SIK2: variants seen among roughly 807,000 people sequenced by gnomAD.
The protein encoded by SIK2 is salt inducible kinase 2, also known as serine/threonine-protein kinase SIK2.
Under a neutral mutation model 103.2 loss-of-function variants are expected in SIK2, and 29 were observed. The ratio of observed to expected loss-of-function variants is 0.28; its 90% CI spans 0.21 to 0.38. SIK2 has a LOEUF of 0.38. SIK2 is among the 10% of genes least tolerant of loss of function. The pLI is 1.00. For missense variants in SIK2, 879 were observed against 1,171.0 expected, an observed-to-expected ratio of 0.75 and a Z score of 3.64; for synonymous variants, 412 against 446.1, an observed-to-expected ratio of 0.92 and a Z score of 0.96.
intron 3 of SIK2, among the ~76,000 whole-genome samples, chr11:111,673,056 A>G (rs890179131): frequency 4.6e-5 from 7 of 152,214 alleles, no homozygotes; most frequent in Non-Finnish European, 8.8e-5. Flanking sequence ...GTTCAAGACT[A>G]ACCACTTAAA....
chr11:111,670,829 T>G (rs1047142893), intron 3 of SIK2: 1 of 152,524 alleles, frequency 6.6e-6, no homozygotes, highest in African/African-American at 2.4e-5. Context: ...TCCAAGGGGC[T>G]GAAGGCTAGG....
chr11:111,721,238 C>T (rs1156686091), intron 12 of SIK2, among the ~76,000 whole-genome samples, 176 bp downstream of exon 12: 4 of 152,204 alleles, frequency 2.6e-5, no homozygotes, highest in African/African-American at 9.6e-5. Flanking sequence ...GGGTTCAACC[C>T]ATCCACGCTG....
chr11:111,697,057 AT>A (rs968587507), intron 4 of SIK2, among the ~76,000 whole-genome samples: 9 of 152,288 alleles, frequency 5.9e-5, no homozygotes, highest in Non-Finnish European at 1.0e-4. Context: ...AAAAATAACT[AT>A]TTTTGACATG....
Position 111,723,962 on chromosome 11 carries a change from GC to G in SIK2, c.2617del (p.Gln873SerfsTer5). Reference protein sequence around the residue: ...PTPCQYPVDGAQQSDLTGPDC... With the variant: ...PTPCQYPVDGXQQSDLTGPDC... ...TCCCTGTCAGTATCCTGTGGATGGA[GC>G]CCAGCAGAGCGACCTAACGGGGCCA... On this transcript the variant is annotated frameshift_variant, in exon 15 of 15. Transcript: ENST00000304987. LOFTEE classifies it high-confidence loss of function. 6.2e-7 allele frequency: 1 copy of G among 1,614,110 alleles called. No individual in the cohort carries two copies. The highest frequency in any genetic ancestry group is 8.5e-7 in the Non-Finnish European group (1 of 1,179,996).
At chr11:111,625,257 TG>T (rs2135844178) in intron 3 of SIK2, among the ~76,000 whole-genome samples, 1 of 152,114 alleles carries the variant, frequency 6.6e-6, no homozygotes, top group African/African-American at 2.4e-5. Context: ...GTGTTGAGAA[TG>T]GGAAAGGGTG....
At chr11:111,697,428 C>T (rs1943102981) in intron 4 of SIK2, among the ~76,000 whole-genome samples, 1 of 152,112 alleles carries the variant, frequency 6.6e-6, no homozygotes, top group Non-Finnish European at 1.5e-5. Flanking sequence ...ATGGGATAGA[C>T]AGATAAGTAA....
intron 3 of SIK2, among the ~76,000 whole-genome samples, chr11:111,667,646 C>T (rs890045887): frequency 1.3e-5 from 2 of 151,952 alleles, no homozygotes; most frequent in African/African-American, 2.4e-5. Context: ...CATGTGCCCA[C>T]CACGTCCGGC....
rs896260296 is a variant in SIK2, at chr11:111,620,285, G to A, written c.253-54G>A. The A allele has an allele frequency of 4.4e-6, 5 of 1,132,970 alleles. 1 individual carries two copies. In the South Asian group the frequency reaches 5.8e-5, roughly 13 times the overall value. The allele number at this position is 1,132,970 out of a possible 1,614,324, so 70.2% of individuals were successfully genotyped here. ...AATTTAGGTAACTCGATAGAATATT[G>A]TGGAAAATTCCAGTACATTTCTGTC... On this transcript the variant is annotated intron_variant, in intron 2 of 14. Coordinates refer to ENST00000304987, the MANE Select transcript of SIK2 (RefSeq NM_015191.3).
At chr11:111,663,157 C>A (rs1016681277) in intron 3 of SIK2, among the ~76,000 whole-genome samples, 2 of 151,358 alleles carry the variant, frequency 1.3e-5, no homozygotes, top group African/African-American at 4.9e-5. Context: ...TCACCTGAGT[C>A]CGGTAGTCTA....
intron 4 of SIK2, among the ~76,000 whole-genome samples, chr11:111,690,916 A>G (rs1942929375): frequency 6.6e-6 from 1 of 152,218 alleles, no homozygotes; most frequent in Non-Finnish European, 1.5e-5. Context: ...GCTACAAGAA[A>G]CATACATGCA....
At chr11:111,715,757 T>A (rs1943621687) in intron 9 of SIK2, among the ~76,000 whole-genome samples, 1 of 149,406 alleles carries the variant, frequency 6.7e-6, no homozygotes, top group African/African-American at 2.4e-5. Flanking sequence ...GAATTTTATA[T>A]ACATACATAT....
intron 3 of SIK2, among the ~76,000 whole-genome samples, chr11:111,677,806 C>T (rs549095188): frequency 6.6e-6 from 1 of 152,290 alleles, no homozygotes; most frequent in East Asian, 1.9e-4. Flanking sequence ...GTGGTTCCCA[C>T]ATTAGCATTT....
At chr11:111,607,692 T>C (rs953412467) in intron 1 of SIK2, among the ~76,000 whole-genome samples, 4 of 152,206 alleles carry the variant, frequency 2.6e-5, no homozygotes, top group Non-Finnish European at 5.9e-5. Flanking sequence ...GGAATATATA[T>C]ACTTTCATAG....
At chr11:111,667,256 T>C (rs1028609182) in intron 3 of SIK2, among the ~76,000 whole-genome samples, 13 of 151,842 alleles carry the variant, frequency 8.6e-5, no homozygotes, top group Non-Finnish European at 7.4e-5. Flanking sequence ...CTTTTTATAC[T>C]ATTTGAGAGA....
At position 111,728,775 on chromosome 11, in the gene SIK2, T is replaced by C. The variant is rs867995492; in HGVS notation, c.*4646T>C. 1 of 152,042 alleles carries C rather than the reference T, an allele frequency of 6.6e-6. No individual in the cohort carries two copies. The highest frequency in any genetic ancestry group is 2.1e-4 in the South Asian group (1 of 4,828). The allele number at this position is 152,042 out of a possible 1,614,324, so 9.4% of individuals were successfully genotyped here. A position where few individuals can be genotyped will look rare whatever the true frequency, so the allele number is the denominator to read the frequency against. ...CCGTCTCTACTAAAAATACAAAAAA[T>C]TAGCCGGGCGTGGTGGTGGGCGCCT... On this transcript the variant is annotated 3_prime_UTR_variant, in exon 15 of 15. Coordinates refer to ENST00000304987, the MANE Select transcript of SIK2 (RefSeq NM_015191.3).
At chr11:111,621,864 G>A (rs1298987124) in intron 3 of SIK2, among the ~76,000 whole-genome samples, 2 of 151,672 alleles carry the variant, frequency 1.3e-5, no homozygotes, top group Non-Finnish European at 2.9e-5. Context: ...AGTGAGCCAC[G>A]ACCGCACCAC....
chr11:111,725,727 G>A lies in SIK2; in HGVS notation c.*1598G>A, dbSNP rs183488735. ...TGTAGTTAGCGTTCAGGCAGGTGAC[G>A]TGTGGAAAGTCTAGGGGGTTCCATT... On this transcript the variant is annotated 3_prime_UTR_variant, in exon 15 of 15. Coordinates refer to ENST00000304987, the MANE Select transcript of SIK2 (RefSeq NM_015191.3). 3 of 152,766 alleles carry A rather than the reference G, an allele frequency of 2.0e-5. No individual in the cohort carries two copies. Among genetic ancestry groups the A allele is most frequent in the East Asian group, 3.9e-4 (2 of 5,182 alleles). The allele number at this position is 152,766 out of a possible 1,614,324, so 9.5% of individuals were successfully genotyped here.
At chr11:111,699,895 C>G (rs1428078982) in intron 4 of SIK2, among the ~76,000 whole-genome samples, 2 of 152,210 alleles carry the variant, frequency 1.3e-5, no homozygotes, top group African/African-American at 4.8e-5. Flanking sequence ...TCCAGTCTTT[C>G]TTGAGCCATC....
At chr11:111,647,784 C>CT (rs1473547316) in intron 3 of SIK2, among the ~76,000 whole-genome samples, 1 of 151,466 alleles carries the variant, frequency 6.6e-6, no homozygotes. Context: ...AGGAGAATGG[C>CT]ATGAACCTGG....
Sources: gnomAD v4.1 joint callset for allele counts (sites outside exome capture counted in the v4.1 genomes callset) on GRCh38, gnomAD v4.1.1 for gene constraint, MANE v1.5 for transcripts, NCBI Gene and HGNC (gene_info 2026-07-23, HGNC 2026-07-21) for gene names.